Variants in CARF observed in about 807,000 individuals in gnomAD.
The protein encoded by CARF is calcium responsive transcription factor.
In CARF, 57 loss-of-function variants were observed where a neutral mutation model predicts 82.0. That is an observed-to-expected ratio of 0.70 (90% CI 0.56 to 0.87). CARF has a LOEUF of 0.87. Ranked by LOEUF, CARF falls within the 40% of genes least tolerant of loss-of-function variation. The pLI is 0.00. For missense variants in CARF, 771 were observed against 855.8 expected (o/e 0.90, Z 1.24); for synonymous variants, 268 against 290.1 (o/e 0.92, Z 0.77).
At chr2:202,918,445 T>A (rs1189747729) in intron 2 of CARF, among the ~76,000 whole-genome samples, 1 of 152,006 alleles carries the variant, frequency 6.6e-6, no homozygotes, top group East Asian at 1.9e-4. Flanking sequence ...GGTGTGAACC[T>A]GGGAGGCGGA....
chr2:202,950,241 A>G (rs529695590), intron 5 of CARF, among the ~76,000 whole-genome samples: 2 of 152,342 alleles, frequency 1.3e-5, no homozygotes, highest in South Asian at 4.1e-4. Context: ...TTTATCTACT[A>G]TGCTTGGGAA....
At position 202,986,893 on chromosome 2, in the gene CARF, T is replaced by TACGTATATATATAC. The variant is rs1559299274; in HGVS notation, c.*3270_*3271insCGTATATATATACA. On this transcript the variant is annotated 3_prime_UTR_variant, in exon 17 of 17. Coordinates refer to ENST00000438828, the MANE Select transcript of CARF (RefSeq NM_024744.17). ...GTATATATATATATATATATATATA[T>TACGTATATATATAC]ATATATATATATATAGCAACTTGAT... is the stretch of plus-strand genomic sequence containing the variant. The TACGTATATATATAC allele has an allele frequency of 3.8e-5, 5 of 132,554 alleles. No individual in the cohort carries two copies. Among genetic ancestry groups the TACGTATATATATAC allele is most frequent in the Non-Finnish European group, 6.5e-5 (4 of 61,260 alleles). The allele number at this position is 132,554 out of a possible 1,614,324, so 8.2% of individuals were successfully genotyped here. A position where few individuals can be genotyped will look rare whatever the true frequency, so the allele number is the denominator to read the frequency against.
At position 202,985,154 on chromosome 2, in the gene CARF, T is replaced by C. The variant is rs1304713010; in HGVS notation, c.*1530T>C. 1 of 152,068 alleles carries C rather than the reference T, an allele frequency of 6.6e-6. No individual in the cohort carries two copies. Among genetic ancestry groups the C allele is most frequent in the Admixed American group, 6.6e-5 (1 of 15,264 alleles). The allele number at this position is 152,068 out of a possible 1,614,324, so 9.4% of individuals were successfully genotyped here. A position where few individuals can be genotyped will look rare whatever the true frequency, so the allele number is the denominator to read the frequency against. ...TTTCTCCAGAGACCATTTGTGGGTA[T>C]ATTTTATATTTTAAAAATAAAGATT... On this transcript the variant is annotated 3_prime_UTR_variant, in exon 17 of 17. Transcript: ENST00000438828.
intron 3 of CARF, among the ~76,000 whole-genome samples, chr2:202,938,839 C>CA (rs528572770): frequency 5.1e-4 from 77 of 152,200 alleles, no homozygotes; most frequent in African/African-American, 1.8e-3. Flanking sequence ...CTTGGCCTCC[C>CA]AAAATGCTAG....
At chr2:202,963,597 C>A (rs1006552048) in intron 9 of CARF, among the ~76,000 whole-genome samples, 5 of 152,152 alleles carry the variant, frequency 3.3e-5, no homozygotes, top group Admixed American at 3.3e-4. Flanking sequence ...CACTTTATTT[C>A]TATTATTACT....
intron 1 of CARF, among the ~76,000 whole-genome samples, chr2:202,916,220 C>T (rs370717213): frequency 1.3e-5 from 2 of 151,616 alleles, no homozygotes; most frequent in African/African-American, 4.9e-5. Flanking sequence ...CTCACTCTGT[C>T]GCCAGGCTGT....
rs866759856 is a variant in CARF at position 202,963,956 on chromosome 2, T to C, written c.832+2530T>C. Among the ~76,000 whole-genome samples, 19 of 152,312 alleles carry C rather than the reference T, an allele frequency of 1.2e-4. No homozygotes were observed. The Middle Eastern group carries it at 0.01, about 82-fold the overall frequency. On this transcript the variant is annotated intron_variant, in intron 9 of 16. Transcript: ENST00000438828. The stretch of plus-strand genomic sequence containing the variant: ...CTGTGCGGCCTGGTTCCTATCAGGC[T>C]ACAGACTGGTAGTGGTCCAGTCTGG...
rs1327502123 is a variant in CARF, at chr2:202,912,892, G to T, written c.-540G>T. 2 of 152,108 alleles carry T rather than the reference G, an allele frequency of 1.3e-5. No homozygotes were observed. The highest frequency in any genetic ancestry group is 2.4e-5 in the African/African-American group (1 of 41,420). The allele number at this position is 152,108 out of a possible 1,614,324, so 9.4% of individuals were successfully genotyped here. On this transcript the variant is annotated 5_prime_UTR_variant, in exon 1 of 17. Coordinates refer to ENST00000438828, the MANE Select transcript of CARF (RefSeq NM_024744.17). Reference sequence around the variant, plus strand: ...AATCATCCTCCCACACCTTCTCCCCGACTTTTTGCCTTTTTTGTCTTGAAG... The same window carrying T: ...AATCATCCTCCCACACCTTCTCCCCTACTTTTTGCCTTTTTTGTCTTGAAG...
At chr2:202,923,112 A>G (rs1035240377) in intron 2 of CARF, among the ~76,000 whole-genome samples, 2 of 151,582 alleles carry the variant, frequency 1.3e-5, no homozygotes, top group South Asian at 2.1e-4. Flanking sequence ...GTGGTGGTGC[A>G]TGCCTGTAAT....
At chr2:202,972,459 A>G (rs1193031507) in intron 12 of CARF, among the ~76,000 whole-genome samples, 1 of 151,878 alleles carries the variant, frequency 6.6e-6, no homozygotes, top group Non-Finnish European at 1.5e-5. Context: ...AGGGCAGATC[A>G]TGAGGTCAGG....
rs1324626886 is a variant in CARF, at chr2:202,961,241, T to C, written c.647T>C (p.Ile216Thr). The change falls in exon 9 of 17, where the codon ATT (isoleucine) becomes ACT (threonine). Residue 216 changes from isoleucine to threonine, a missense_variant. Transcript: ENST00000438828. ...TTTAATTTCTACCACATGCAGAAAA[T>C]TGGAGATTCATACCGTGGCTACTGT... ...WACRLRSCEKIGDSYRGYCVS... is the reference protein window; with the variant it reads ...WACRLRSCEKTGDSYRGYCVS... The C allele has an allele frequency of 1.9e-6, 3 of 1,599,614 alleles. No individual in the cohort carries two copies. Among genetic ancestry groups the C allele is most frequent in the Non-Finnish European group, 2.6e-6 (3 of 1,171,562 alleles).
At chr2:202,946,987 C>T (rs1051115395) in intron 5 of CARF, among the ~76,000 whole-genome samples, 8 of 152,070 alleles carry the variant, frequency 5.3e-5, no homozygotes, top group Admixed American at 3.3e-4. Flanking sequence ...CAGATGCTGG[C>T]GAGGCTGTGG....
chr2:202,967,043 G>A lies in CARF; in HGVS notation c.898G>A (p.Val300Ile), dbSNP rs776037236. 1 of 1,614,066 alleles carries A rather than the reference G, an allele frequency of 6.2e-7. No homozygotes were observed. The highest frequency in any genetic ancestry group is 1.1e-5 in the South Asian group (1 of 91,084). ...PRRKGFQLKK[V>I]SEQESRSCQL... is the part of the protein sequence containing the mutation. ...AAGAAAAGGTTTCCAGTTAAAAAAA[G>A]TCAGTGAGCAGGAAAGCAGGTCTTG... The change falls in exon 10 of 17, where the codon GTC becomes ATC. Residue 300 changes from valine to isoleucine, a missense_variant. Coordinates refer to ENST00000438828, the MANE Select transcript of CARF (RefSeq NM_024744.17).
At chr2:202,932,280 T>TC (rs1209194423) in intron 3 of CARF, among the ~76,000 whole-genome samples, 1 of 152,026 alleles carries the variant, frequency 6.6e-6, no homozygotes, top group East Asian at 1.9e-4. Context: ...CCAGACCATA[T>TC]CAGAGTCTCA....
chr2:202,950,086 A>G (rs889102938), intron 5 of CARF, among the ~76,000 whole-genome samples: 2 of 152,242 alleles, frequency 1.3e-5, no homozygotes, highest in African/African-American at 4.8e-5. Flanking sequence ...GTTTGCTTTC[A>G]TAGCAAAGAT....
At position 202,981,705 on chromosome 2, in the gene CARF, T is replaced by A. The variant is rs1468450258; in HGVS notation, c.1689+20T>A. ...CTACAGGTAGGTATCCAGTAAAATA[T>A]CCAAATTTGAGGTCCTTCTCTTTAT... On this transcript the variant is annotated intron_variant, in intron 15 of 16. Coordinates refer to ENST00000438828, the MANE Select transcript of CARF (RefSeq NM_024744.17). The A allele has an allele frequency of 3.1e-6, 5 of 1,601,918 alleles. No homozygotes were observed. Among genetic ancestry groups the A allele is most frequent in the Non-Finnish European group, 4.3e-6 (5 of 1,174,082 alleles).
At chr2:202,916,445 T>G (rs575725247) in intron 1 of CARF, among the ~76,000 whole-genome samples, 80 of 152,310 alleles carry the variant, frequency 5.3e-4, no homozygotes, top group African/African-American at 1.9e-3. Context: ...CCTCCCAAAG[T>G]GCTGGGATTA....
chr2:202,975,598 A>T (rs980951736), intron 13 of CARF, among the ~76,000 whole-genome samples: 2 of 152,168 alleles, frequency 1.3e-5, no homozygotes, highest in Non-Finnish European at 2.9e-5. Context: ...CTGAGACTTC[A>T]TCTGAAAAAC....
chr2:202,942,112 A>ATG, intron 4 of CARF, 132 bp downstream of exon 4: 1 of 630,842 alleles, frequency 1.6e-6, no homozygotes, highest in Non-Finnish European at 2.8e-6. Flanking sequence ...GGTGGCTGAC[A>ATG]CCTGTGATCC....
Sources: allele counts gnomAD v4.1 joint callset (sites outside exome capture counted in the v4.1 genomes callset), GRCh38; gene constraint gnomAD v4.1.1; transcripts MANE v1.5; gene names NCBI Gene and HGNC (gene_info 2026-07-23, HGNC 2026-07-21).